MITF: variants seen among roughly 807,000 people sequenced by gnomAD.
MITF encodes the protein melanocyte inducing transcription factor.
MITF carries 17 observed loss-of-function variants against 60.5 expected under a neutral mutation model. The observed-to-expected ratio is 0.28, with a 90% CI of 0.19 to 0.42. MITF has a LOEUF of 0.42. MITF is among the 10% of genes least tolerant of loss of function. The pLI is 1.00. For synonymous variants in MITF, 260 were observed against 248.5 expected, an observed-to-expected ratio of 1.05 and a Z score of -0.43; for missense variants, 622 against 683.5, an observed-to-expected ratio of 0.91 and a Z score of 1.00.
At chr3:69,912,348 GTTTTTTTTCA>G (rs945179303) in intron 2 of MITF, among the ~76,000 whole-genome samples, 1 of 151,830 alleles carries the variant, frequency 6.6e-6, no homozygotes, top group African/African-American at 2.4e-5. Context: ...AATATTTTTG[GTTTTTTTTCA>G]TTCTGGGAGA....
intron 2 of MITF, among the ~76,000 whole-genome samples, chr3:69,886,782 A>T (rs1345894614): frequency 1.3e-5 from 2 of 152,106 alleles, no homozygotes; most frequent in East Asian, 3.8e-4. Context: ...GTGGTAATTT[A>T]TGCTTTATTG....
At chr3:69,815,156 C>T (rs777147553) in intron 1 of MITF, among the ~76,000 whole-genome samples, 34 of 152,122 alleles carry the variant, frequency 2.2e-4, no homozygotes, top group Non-Finnish European at 3.7e-4. Flanking sequence ...AAACACTGAA[C>T]GAAGCAGAAT....
intron 2 of MITF, among the ~76,000 whole-genome samples, chr3:69,884,401 CA>C (rs1227867329): frequency 5.9e-5 from 9 of 151,942 alleles, no homozygotes; most frequent in South Asian, 4.1e-4. Context: ...GCAAATGGAA[CA>C]AAAAAATGTA....
intron 2 of MITF, chr3:69,936,947 CT>C (rs79472179): frequency 0.16 from 42,998 of 272,630 alleles, 4 homozygotes; most frequent in Middle Eastern, 0.2. Flanking sequence ...TAGTAGGATT[CT>C]TTTTTTTTTT....
rs140842118 is a variant in MITF, at chr3:69,831,910, G to A, written c.105-47224G>A. Among the ~76,000 whole-genome samples, 379 of 152,284 alleles carry A rather than the reference G, an allele frequency of 2.5e-3. 1 individual carries two copies. The highest frequency in any genetic ancestry group is 4.3e-3 in the Non-Finnish European group (290 of 68,034). On this transcript the variant is annotated intron_variant, in intron 1 of 9. Transcript: ENST00000352241. ...CAGTGGTGGAACGGTGCCCGAGGGAGTGGGAGCTGGGGTGGTACACAGGGT... is the reference window on the plus strand; with the variant it reads ...CAGTGGTGGAACGGTGCCCGAGGGAATGGGAGCTGGGGTGGTACACAGGGT...
At chr3:69,937,227 G>A (rs559545534) in intron 2 of MITF, 1 of 161,118 alleles carries the variant, frequency 6.2e-6, no homozygotes, top group South Asian at 1.7e-4. Flanking sequence ...TTTTTATGTT[G>A]AGTTTTTTCT....
At chr3:69,893,970 G>T (rs1255522046) in intron 2 of MITF, among the ~76,000 whole-genome samples, 1 of 152,162 alleles carries the variant, frequency 6.6e-6, no homozygotes, top group African/African-American at 2.4e-5. Context: ...GTGGAAAGTG[G>T]TAAAAATTGG....
chr3:69,905,012 C>T (rs546823234), intron 2 of MITF, among the ~76,000 whole-genome samples: 1 of 152,186 alleles, frequency 6.6e-6, no homozygotes, highest in African/African-American at 2.4e-5. Flanking sequence ...TACACTTGTT[C>T]CAAGTGTATA....
chr3:69,774,184 A>G (rs1231130865), intron 1 of MITF, among the ~76,000 whole-genome samples: 3 of 152,206 alleles, frequency 2.0e-5, no homozygotes, highest in African/African-American at 7.2e-5. Flanking sequence ...AGTGCCACAC[A>G]TGCTAGGAGG....
chr3:69,809,499 G>T (rs904097101), intron 1 of MITF, among the ~76,000 whole-genome samples: 1 of 152,002 alleles, frequency 6.6e-6, no homozygotes, highest in Non-Finnish European at 1.5e-5. Context: ...GGGCCCAACT[G>T]GTAGATCACA....
intron 1 of MITF, among the ~76,000 whole-genome samples, chr3:69,796,494 C>CTTTTTTTTTTTTTTTTTTTTTTTTTT: frequency 1.2e-5 from 1 of 80,328 alleles, no homozygotes; most frequent in Non-Finnish European, 2.6e-5. Context: ...CACCGTCTTT[C>CTTTTTTTTTTTTTTTTTTTTTTTTTT]TTTTTTTTTT....
At chr3:69,750,554 G>A (rs1256570366) in intron 1 of MITF, among the ~76,000 whole-genome samples, 1 of 150,486 alleles carries the variant, frequency 6.6e-6, no homozygotes, top group African/African-American at 2.5e-5. Flanking sequence ...TATTTAATAT[G>A]GAGACATGAG....
chr3:69,909,204 T>C (rs1196796275), intron 2 of MITF, among the ~76,000 whole-genome samples: 4 of 152,106 alleles, frequency 2.6e-5, no homozygotes, highest in Non-Finnish European at 4.4e-5. Context: ...CGAGATCTGA[T>C]GGGTTTATCA....
intron 1 of MITF, among the ~76,000 whole-genome samples, chr3:69,796,780 G>A (rs2062838832): frequency 6.6e-6 from 1 of 152,092 alleles, no homozygotes; most frequent in Non-Finnish European, 1.5e-5. Flanking sequence ...TGCAAACACC[G>A]TCTTTCTAAG....
At chr3:69,883,489 A>T (rs909928604) in intron 2 of MITF, among the ~76,000 whole-genome samples, 2 of 152,324 alleles carry the variant, frequency 1.3e-5, no homozygotes, top group East Asian at 3.9e-4. Context: ...TCTGTAAATT[A>T]TGAAATCTGC....
At chr3:69,832,730 TTTATACTGAATGTGG>T (rs2063470220) in intron 1 of MITF, among the ~76,000 whole-genome samples, 1 of 152,240 alleles carries the variant, frequency 6.6e-6, no homozygotes, top group Non-Finnish European at 1.5e-5. Flanking sequence ...TGTTTTCCTA[TTTATACTGAATGTGG>T]TTATTTCCCT....
intron 4 of MITF, among the ~76,000 whole-genome samples, chr3:69,940,779 G>T (rs747367650): frequency 9.2e-5 from 14 of 152,210 alleles, no homozygotes; most frequent in Non-Finnish European, 1.8e-4. Flanking sequence ...ATGAAGTGCT[G>T]TGGTACATCT....
At chr3:69,912,330 A>G (rs1056191303) in intron 2 of MITF, among the ~76,000 whole-genome samples, 2 of 152,202 alleles carry the variant, frequency 1.3e-5, no homozygotes, top group Admixed American at 6.5e-5. Context: ...ATACAAAGCA[A>G]ACATGGTAAT....
intron 9 of MITF, among the ~76,000 whole-genome samples, chr3:69,961,958 T>C (rs2066560674): frequency 6.6e-6 from 1 of 152,242 alleles, no homozygotes. Flanking sequence ...AACTTTTGCA[T>C]ATCACAGAAA....
Sources: gnomAD v4.1 joint callset for allele counts (sites outside exome capture counted in the v4.1 genomes callset) on GRCh38, gnomAD v4.1.1 for gene constraint, MANE v1.5 for transcripts, NCBI Gene and HGNC (gene_info 2026-07-23, HGNC 2026-07-21) for gene names.